Variants in TMEM74 observed in about 807,000 individuals in gnomAD.
TMEM74 encodes transmembrane protein 74.
TMEM74 carries 13 observed loss-of-function variants against 18.1 expected under a neutral mutation model. The observed-to-expected ratio is 0.72, with a 90% CI of 0.47 to 1.14. The LOEUF (loss-of-function observed/expected upper bound fraction) is 1.14. Among genes scored for constraint, TMEM74 ranks in the 50% most tolerant of loss-of-function variants. TMEM74 has a pLI of 0.00. For synonymous variants in TMEM74, 159 were observed against 146.6 expected, an observed-to-expected ratio of 1.08 and a Z score of -0.61; for missense variants, 372 against 375.9, an observed-to-expected ratio of 0.99 and a Z score of 0.09.
At chr8:108,777,647 A>G (rs1258270302), downstream of TMEM74, among the ~76,000 whole-genome samples, 1 of 152,228 alleles carries the variant, frequency 6.6e-6, no homozygotes, top group African/African-American at 2.4e-5. Context: ...TATAAGGGTC[A>G]TATTCCTTCT....
intron 1 of TMEM74, among the ~76,000 whole-genome samples, chr8:108,751,694 CAAAA>C (rs1813905372): frequency 6.6e-6 from 1 of 151,632 alleles, no homozygotes; most frequent in African/African-American, 2.4e-5. Context: ...AATAAAGAAA[CAAAA>C]AACCCCAAAT....
rs762994031 is a variant in TMEM74 at position 108,651,941 on chromosome 8, TA to T, written n.264+3351del. 8.8e-3 allele frequency among the ~76,000 whole-genome samples: 1,237 copies of T among 140,626 alleles called. 10 individuals carry two copies. Among genetic ancestry groups the T allele is most frequent in the African/African-American group, 0.018 (711 of 38,560 alleles). 92.3% of individuals were successfully genotyped at this position (140,626 alleles called of 152,430 possible). A position where few individuals can be genotyped will look rare whatever the true frequency, so the allele number is the denominator to read the frequency against. ...ACCCAGTGTTACGACCATGTGTCGC[TA>T]AAAAAAAAAAAAATCCTAGTGCAAA... On this transcript the variant is annotated intron_variant and non_coding_transcript_variant, in intron 2 of 3. Transcript: ENST00000518838.
At chr8:108,644,112 C>G (rs1212581373) in intron 2 of TMEM74, among the ~76,000 whole-genome samples, 4 of 152,126 alleles carry the variant, frequency 2.6e-5, no homozygotes, top group Non-Finnish European at 5.9e-5. Flanking sequence ...TAACATAAGA[C>G]TACAGTAACC....
chr8:108,723,049 A>G (rs757124261), intron 1 of TMEM74, among the ~76,000 whole-genome samples: 61 of 152,332 alleles, frequency 4.0e-4, no homozygotes, highest in Non-Finnish European at 7.3e-4. Flanking sequence ...GGCTGAGCAC[A>G]CACGCATCTC....
At chr8:108,684,750 A>T (rs1423501574) in intron 1 of TMEM74, among the ~76,000 whole-genome samples, 2 of 147,312 alleles carry the variant, frequency 1.4e-5, no homozygotes, top group African/African-American at 5.0e-5. Flanking sequence ...TTTTGAGTTG[A>T]TTTTTGTATA....
chr8:108,697,801 T>A (rs1319515545), intron 1 of TMEM74, among the ~76,000 whole-genome samples: 2 of 152,224 alleles, frequency 1.3e-5, no homozygotes, highest in Non-Finnish European at 2.9e-5. Flanking sequence ...TTTCTTTGTA[T>A]GAGGTCTACT....
At chr8:108,723,359 T>A (rs891223415) in intron 1 of TMEM74, among the ~76,000 whole-genome samples, 1 of 152,118 alleles carries the variant, frequency 6.6e-6, no homozygotes, top group African/African-American at 2.4e-5. Flanking sequence ...AATCAGAAAA[T>A]TCAAATAAAT....
At chr8:108,652,495 C>T in intron 2 of TMEM74, 1 of 417,782 alleles carries the variant, frequency 2.4e-6, no homozygotes, top group Non-Finnish European at 4.5e-6. Context: ...ATGCAAATGC[C>T]AGGAGGGAGA....
chr8:108,714,382 G>C (rs1465785319), intron 1 of TMEM74, among the ~76,000 whole-genome samples: 2 of 152,100 alleles, frequency 1.3e-5, no homozygotes, highest in Non-Finnish European at 2.9e-5. Flanking sequence ...CAAAATACTA[G>C]GATAGTTAGA....
chr8:108,738,258 A>G (rs1813767464), intron 1 of TMEM74, among the ~76,000 whole-genome samples: 1 of 152,124 alleles, frequency 6.6e-6, no homozygotes, highest in African/African-American at 2.4e-5. Context: ...ATAATTGTAT[A>G]CCTCCACCTA....
intron 1 of TMEM74, among the ~76,000 whole-genome samples, chr8:108,706,613 T>C (rs1813413747): frequency 6.6e-6 from 1 of 152,238 alleles, no homozygotes; most frequent in Non-Finnish European, 1.5e-5. Context: ...AAAATCTCTC[T>C]ATATAATTAT....
intron 1 of TMEM74, among the ~76,000 whole-genome samples, chr8:108,718,014 A>G (rs1813545548): frequency 1.8e-5 from 1 of 54,774 alleles, no homozygotes; most frequent in Non-Finnish European, 2.5e-5. Context: ...GCTGGAGTGC[A>G]GTGGCGGGAT....
intron 1 of TMEM74, among the ~76,000 whole-genome samples, chr8:108,736,466 A>C (rs1813750638): frequency 1.3e-5 from 2 of 152,134 alleles, no homozygotes. Flanking sequence ...ATTAGTCTAC[A>C]TGCCACTCTT....
intron 1 of TMEM74, among the ~76,000 whole-genome samples, chr8:108,657,842 C>CAAAAA (rs1157229913): frequency 4.2e-4 from 7 of 16,682 alleles, no homozygotes; most frequent in African/African-American, 1.5e-3. Context: ...GACACCGTCT[C>CAAAAA]AAAAAAAAAA....
chr8:108,741,469 G>A (rs919251696), intron 1 of TMEM74, among the ~76,000 whole-genome samples: 8 of 152,064 alleles, frequency 5.3e-5, no homozygotes, highest in Admixed American at 1.3e-4. Context: ...AGCTATAGAG[G>A]TTTATTTGGG....
chr8:108,687,775 GA>G (rs1443293145), intron 1 of TMEM74, among the ~76,000 whole-genome samples: 1 of 152,072 alleles, frequency 6.6e-6, no homozygotes, highest in African/African-American at 2.4e-5. Context: ...GATCTTGCAG[GA>G]GGCAGAGGTC....
chr8:108,769,549 G>A (rs1019986209), intron 1 of TMEM74, among the ~76,000 whole-genome samples: 7 of 151,940 alleles, frequency 4.6e-5, no homozygotes, highest in Admixed American at 2.6e-4. Context: ...AGAGTAGTGG[G>A]TTGTACTTTC....
intron 1 of TMEM74, among the ~76,000 whole-genome samples, chr8:108,685,591 T>C (rs1249846252): frequency 2.0e-5 from 3 of 152,180 alleles, no homozygotes; most frequent in Non-Finnish European, 4.4e-5. Context: ...TAGTGTATTT[T>C]AATTAAAGTC....
intron 1 of TMEM74, among the ~76,000 whole-genome samples, chr8:108,786,400 C>T (rs147256558): frequency 1.3e-5 from 2 of 152,106 alleles, no homozygotes; most frequent in African/African-American, 4.8e-5. Flanking sequence ...TTGATTTAAC[C>T]CAACGGCTTG....
Sources: gnomAD v4.1 joint callset for allele counts (sites outside exome capture counted in the v4.1 genomes callset) on GRCh38, gnomAD v4.1.1 for gene constraint, MANE v1.5 for transcripts, NCBI Gene and HGNC (gene_info 2026-07-23, HGNC 2026-07-21) for gene names.